Variants in PCNX1 observed in about 807,000 individuals in gnomAD.
PCNX1 encodes the protein pecanex-like protein 1.
In PCNX1, 78 loss-of-function variants were observed where a neutral mutation model predicts 242.2. That is an observed-to-expected ratio of 0.32 (90% CI 0.27 to 0.39). PCNX1 has a LOEUF of 0.39. PCNX1 is among the 10% of genes least tolerant of loss of function. The probability of loss-of-function intolerance (pLI) is 1.00; values close to 1 mark genes in which losing one functional copy is unlikely to be tolerated. For synonymous variants in PCNX1, 1,024 were observed against 1,032.9 expected (o/e 0.99, Z 0.17); for missense variants, 2,581 against 2,856.5 (o/e 0.90, Z 2.20).
At chr14:71,097,971 A>G (rs2062341331) in intron 30 of PCNX1, among the ~76,000 whole-genome samples, 1 of 152,232 alleles carries the variant, frequency 6.6e-6, no homozygotes, top group African/African-American at 2.4e-5. Flanking sequence ...ATATGGTGAA[A>G]GATAGGAGTC....
intron 26 of PCNX1, among the ~76,000 whole-genome samples, chr14:71,068,358 GTATACATACATGTATACATATA>G (rs1217850570): frequency 6.7e-6 from 1 of 150,304 alleles, no homozygotes; most frequent in Non-Finnish European, 1.5e-5. Flanking sequence ...GTATATATAT[GTATACATACATGTATACATATA>G]TGTGTGTATA....
intron 1 of PCNX1, among the ~76,000 whole-genome samples, chr14:70,933,276 T>C (rs1287338027): frequency 3.9e-5 from 6 of 152,170 alleles, no homozygotes; most frequent in Non-Finnish European, 5.9e-5. Flanking sequence ...GTAGTTGGCA[T>C]GTATGAAGGA....
intron 30 of PCNX1, chr14:71,093,028 A>G (rs146724126): frequency 6.6e-6 from 1 of 152,278 alleles, no homozygotes; most frequent in East Asian, 1.9e-4. Flanking sequence ...GCCTCCAGAT[A>G]ACATCTCTAA....
intron 16 of PCNX1, among the ~76,000 whole-genome samples, chr14:71,029,728 T>G (rs72724347): frequency 1.1e-4 from 17 of 152,334 alleles, no homozygotes; most frequent in Non-Finnish European, 2.1e-4. Context: ...ACCCATGGAC[T>G]TGTAAAGAAA....
intron 1 of PCNX1, among the ~76,000 whole-genome samples, chr14:70,913,364 T>C (rs1245924075): frequency 2.0e-5 from 3 of 152,146 alleles, no homozygotes; most frequent in Non-Finnish European, 4.4e-5. Context: ...GGTGTCAGTC[T>C]CTACAAGACA....
chr14:70,943,829 C>T (rs978563516), intron 1 of PCNX1, among the ~76,000 whole-genome samples: 3 of 152,204 alleles, frequency 2.0e-5, no homozygotes, highest in South Asian at 2.1e-4. Context: ...GACTTGGTAC[C>T]CTGCATCCCA....
chr14:71,038,919 G>T (rs1249641707), intron 19 of PCNX1, among the ~76,000 whole-genome samples: 1 of 151,384 alleles, frequency 6.6e-6, no homozygotes, highest in African/African-American at 2.4e-5. Flanking sequence ...CATGTCCTTT[G>T]TAGGGACATG....
rs1015265439 is a variant in PCNX1, at chr14:71,111,092, A to G, written c.*1157A>G. The G allele has an allele frequency of 6.6e-5, 10 of 152,444 alleles. No individual in the cohort carries two copies. The highest frequency in any genetic ancestry group is 2.2e-4 in the African/African-American group (9 of 41,366). The allele number at this position is 152,444 out of a possible 1,614,324, so 9.4% of individuals were successfully genotyped here. A position where few individuals can be genotyped will look rare whatever the true frequency, so the allele number is the denominator to read the frequency against. The stretch of plus-strand genomic sequence containing the variant: ...TCCCCTCTTCTTTTTCTGTTACTTG[A>G]ATTTTATTTCCTGTAATTTATAGTG... On this transcript the variant is annotated 3_prime_UTR_variant, in exon 36 of 36. Coordinates refer to ENST00000304743, the MANE Select transcript of PCNX1 (RefSeq NM_014982.3).
chr14:71,024,784 TCTAC>T (rs1171853371), intron 13 of PCNX1, among the ~76,000 whole-genome samples: 1 of 152,174 alleles, frequency 6.6e-6, no homozygotes, highest in Non-Finnish European at 1.5e-5. Context: ...TTTGGCATCC[TCTAC>T]CTACAAGATG....
rs1377682969 is a variant in PCNX1, at chr14:71,111,147, G to A, written c.*1212G>A. On this transcript the variant is annotated 3_prime_UTR_variant, in exon 36 of 36. Transcript: ENST00000304743. ...GCTGTAAATTGAAATATTTATAACT[G>A]TGAAATTGACTTAATTCATATGTTG... 1.3e-5 allele frequency: 2 copies of A among 152,298 alleles called. No individual in the cohort carries two copies. The highest frequency in any genetic ancestry group is 4.8e-5 in the African/African-American group (2 of 41,330). The allele number at this position is 152,298 out of a possible 1,614,324, so 9.4% of individuals were successfully genotyped here. A position where few individuals can be genotyped will look rare whatever the true frequency, so the allele number is the denominator to read the frequency against.
intron 1 of PCNX1, among the ~76,000 whole-genome samples, chr14:70,944,469 C>G (rs904213052): frequency 1.3e-5 from 2 of 152,202 alleles, no homozygotes; most frequent in Non-Finnish European, 2.9e-5. Context: ...TACCCATTGC[C>G]TGTATCCCCA....
intron 2 of PCNX1, among the ~76,000 whole-genome samples, chr14:70,947,776 C>T (rs765190220): frequency 6.6e-6 from 1 of 152,242 alleles, no homozygotes; most frequent in Non-Finnish European, 1.5e-5. Flanking sequence ...TAAAGTCTGA[C>T]TGCCTGCGGG....
intron 1 of PCNX1, among the ~76,000 whole-genome samples, chr14:70,932,041 C>T (rs1412010452): frequency 2.0e-5 from 3 of 152,198 alleles, no homozygotes; most frequent in African/African-American, 7.2e-5. Context: ...GCAGGAGAAT[C>T]GCTTGAACCT....
chr14:70,970,877 A>G (rs1037848065), intron 5 of PCNX1, among the ~76,000 whole-genome samples: 19 of 152,192 alleles, frequency 1.2e-4, no homozygotes, highest in African/African-American at 4.6e-4. Context: ...TTAGTTTGTC[A>G]ACCCCTGGTT....
At chr14:71,009,493 C>G (rs2059761432) in intron 8 of PCNX1, 141 bp from the exon 9 acceptor site, 2 of 441,788 alleles carry the variant, frequency 4.5e-6, no homozygotes, top group Non-Finnish European at 8.1e-6. Context: ...GAATTACATG[C>G]AGATCATTGT....
At chr14:70,952,826 A>G (rs752297553) in intron 2 of PCNX1, among the ~76,000 whole-genome samples, 16 of 152,148 alleles carry the variant, frequency 1.1e-4, no homozygotes, top group Non-Finnish European at 2.1e-4. Flanking sequence ...TTATCAGGCA[A>G]TTCCAAGCTG....
intron 2 of PCNX1, among the ~76,000 whole-genome samples, chr14:70,961,987 A>G (rs17766926): frequency 0.04 from 6,077 of 152,212 alleles, 158 homozygotes; most frequent in Non-Finnish European, 0.057. Flanking sequence ...TTTGATGTAG[A>G]CAGTTTGGAA....
intron 1 of PCNX1, among the ~76,000 whole-genome samples, chr14:70,927,215 T>C (rs2140133997): frequency 6.6e-6 from 1 of 152,352 alleles, no homozygotes; most frequent in South Asian, 2.1e-4. Context: ...TATCTGAGAC[T>C]TAATAGGTGT....
intron 3 of PCNX1, among the ~76,000 whole-genome samples, chr14:70,963,964 C>T (rs2058300158): frequency 6.6e-6 from 1 of 152,136 alleles, no homozygotes; most frequent in Non-Finnish European, 1.5e-5. Flanking sequence ...AATTTATCTT[C>T]CTTCCATAAC....
Sources: allele counts gnomAD v4.1 joint callset (sites outside exome capture counted in the v4.1 genomes callset), GRCh38; gene constraint gnomAD v4.1.1; transcripts MANE v1.5; gene names NCBI Gene and HGNC (gene_info 2026-07-23, HGNC 2026-07-21).